The following FOXP1 variants were observed in gnomAD, a reference collection of about 807,000 sequenced individuals.
The protein encoded by FOXP1 is forkhead box P1.
Under a neutral mutation model 98.2 loss-of-function variants are expected in FOXP1, and 15 were observed. The observed-to-expected ratio is 0.15, with a 90% CI of 0.10 to 0.24. The LOEUF (loss-of-function observed/expected upper bound fraction) is 0.24. Ranked by LOEUF, FOXP1 falls within the 10% of genes least tolerant of loss-of-function variation. FOXP1 has a pLI of 1.00. For missense variants in FOXP1, 633 were observed against 848.5 expected (o/e 0.75, Z 3.15); for synonymous variants, 371 against 314.5 (o/e 1.18, Z -1.90).
intron 6 of FOXP1, among the ~76,000 whole-genome samples, chr3:71,142,445 G>A (rs546222398): frequency 6.6e-6 from 1 of 152,220 alleles, no homozygotes; most frequent in South Asian, 2.1e-4. Flanking sequence ...GGAATCACAT[G>A]AACCCTTTCA....
intron 7 of FOXP1, among the ~76,000 whole-genome samples, chr3:71,062,742 T>A (rs138101598): frequency 6.6e-6 from 1 of 152,186 alleles, no homozygotes; most frequent in African/African-American, 2.4e-5. Flanking sequence ...AGCTGCACAT[T>A]TGGGCAGGAA....
intron 5 of FOXP1, among the ~76,000 whole-genome samples, chr3:71,212,042 G>A (rs2064510591): frequency 6.6e-6 from 1 of 152,134 alleles, no homozygotes; most frequent in African/African-American, 2.4e-5. Flanking sequence ...GTTTCTCAGA[G>A]GCTCTGAGTG....
intron 2 of FOXP1, among the ~76,000 whole-genome samples, chr3:71,505,966 C>G (rs1358581384): frequency 6.6e-6 from 1 of 152,194 alleles, no homozygotes; most frequent in Non-Finnish European, 1.5e-5. Flanking sequence ...GGGGGATACC[C>G]AGGCACAGTC....
At chr3:71,287,685 C>A (rs2072300906) in intron 5 of FOXP1, among the ~76,000 whole-genome samples, 1 of 151,106 alleles carries the variant, frequency 6.6e-6, no homozygotes, top group Non-Finnish European at 1.5e-5. Context: ...GAGGTTGAGG[C>A]AGGAGAATCA....
At chr3:71,011,004 A>T (rs564764792) in intron 12 of FOXP1, among the ~76,000 whole-genome samples, 2 of 152,242 alleles carry the variant, frequency 1.3e-5, no homozygotes, top group Non-Finnish European at 2.9e-5. Context: ...TGAATCTACA[A>T]GAAGACTAAC....
At chr3:71,027,182 C>A (rs1487294486) in intron 11 of FOXP1, among the ~76,000 whole-genome samples, 2 of 152,116 alleles carry the variant, frequency 1.3e-5, no homozygotes, top group Non-Finnish European at 2.9e-5. Flanking sequence ...AGTGTGTTTG[C>A]ACTGGTGAGT....
intron 6 of FOXP1, among the ~76,000 whole-genome samples, chr3:71,193,060 C>A (rs753555008): frequency 1.3e-5 from 2 of 152,140 alleles, no homozygotes; most frequent in African/African-American, 2.4e-5. Context: ...TTCAGAGGAC[C>A]CTGGGATATC....
At chr3:71,028,072 G>A (rs1413350696) in intron 11 of FOXP1, among the ~76,000 whole-genome samples, 2 of 152,086 alleles carry the variant, frequency 1.3e-5, no homozygotes, top group East Asian at 1.9e-4. Context: ...GCAGAGAACC[G>A]AAGCACACAC....
At chr3:70,992,460 C>G (rs2040750866) in intron 13 of FOXP1, among the ~76,000 whole-genome samples, 1 of 152,132 alleles carries the variant, frequency 6.6e-6, no homozygotes, top group Non-Finnish European at 1.5e-5. Flanking sequence ...CTAGAAGGAG[C>G]AGAACTCAAA....
chr3:71,121,184 G>C (rs747148181), intron 6 of FOXP1, among the ~76,000 whole-genome samples: 6 of 151,942 alleles, frequency 3.9e-5, no homozygotes, highest in Non-Finnish European at 8.8e-5. Context: ...CATGGACAGA[G>C]AGAGATGCCG....
At chr3:71,501,533 T>A (rs907304143) in intron 2 of FOXP1, among the ~76,000 whole-genome samples, 1 of 152,122 alleles carries the variant, frequency 6.6e-6, no homozygotes, top group African/African-American at 2.4e-5. Flanking sequence ...GACCTCATGA[T>A]CCACCCACCT....
Position 71,266,010 on chromosome 3 carries a change from T to C in FOXP1, c.-12+33810A>G, listed in dbSNP as rs540651061. On this transcript the variant is annotated intron_variant, in intron 5 of 20. Coordinates refer to ENST00000649528, the MANE Select transcript of FOXP1 (RefSeq NM_001349338.3). Reference sequence around the variant, plus strand: ...ACCAACCAGGCACACAGTGCGGGAATGGTGCCTGGTCCCGAAACCCATCAG... The same window carrying C: ...ACCAACCAGGCACACAGTGCGGGAACGGTGCCTGGTCCCGAAACCCATCAG... Among the ~76,000 whole-genome samples, 8 of 152,280 alleles carry C rather than the reference T, an allele frequency of 5.3e-5. No homozygotes were observed. The East Asian group carries it at 1.6e-3, about 30-fold the overall frequency.
chr3:71,255,898 T>C (rs1169661054), intron 5 of FOXP1, among the ~76,000 whole-genome samples: 1 of 152,082 alleles, frequency 6.6e-6, no homozygotes, highest in Admixed American at 6.6e-5. Flanking sequence ...AGCACCCCTA[T>C]AAAGTAGGAT....
chr3:71,581,917 C>G (rs2048204421), intron 1 of FOXP1: 1 of 983,854 alleles, frequency 1.0e-6, no homozygotes, highest in Non-Finnish European at 1.2e-6. Context: ...GCCAAAGTCT[C>G]AGCACCTTCC....
At chr3:71,332,937 T>C (rs1009509001) in intron 4 of FOXP1, 1 of 152,158 alleles carries the variant, frequency 6.6e-6, no homozygotes, top group Non-Finnish European at 1.5e-5. Context: ...ATGGACAGTA[T>C]GGTGAGCCAA....
At chr3:71,269,609 G>T (rs1012084969) in intron 5 of FOXP1, among the ~76,000 whole-genome samples, 1 of 152,164 alleles carries the variant, frequency 6.6e-6, no homozygotes, top group African/African-American at 2.4e-5. Flanking sequence ...AGTGCAACAT[G>T]TAAGTAAATC....
chr3:71,479,150 C>T (rs938062955), intron 3 of FOXP1, among the ~76,000 whole-genome samples: 16 of 152,172 alleles, frequency 1.1e-4, no homozygotes, highest in Middle Eastern at 3.2e-3. Flanking sequence ...TAGGGCTGGG[C>T]GTGGTGGTCA....
chr3:71,467,082 G>A (rs1182565150), intron 3 of FOXP1, among the ~76,000 whole-genome samples: 1 of 152,296 alleles, frequency 6.6e-6, no homozygotes, highest in East Asian at 1.9e-4. Context: ...CAGATGTTGC[G>A]AGCTTGAGAA....
intron 5 of FOXP1, among the ~76,000 whole-genome samples, chr3:71,240,844 C>T (rs2067216237): frequency 6.6e-6 from 1 of 151,832 alleles, no homozygotes; most frequent in African/African-American, 2.4e-5. Flanking sequence ...AGCGCCTGGC[C>T]AGAATTGTTT....
Sources: allele counts gnomAD v4.1 joint callset (sites outside exome capture counted in the v4.1 genomes callset), GRCh38; gene constraint gnomAD v4.1.1; transcripts MANE v1.5; gene names NCBI Gene and HGNC (gene_info 2026-07-23, HGNC 2026-07-21).